SLX4IP: variants seen among roughly 807,000 people sequenced by gnomAD.
The protein encoded by SLX4IP is SLX4 interacting protein.
In SLX4IP, 34 loss-of-function variants were observed where a neutral mutation model predicts 32.9. That is an observed-to-expected ratio of 1.03 (90% CI 0.79 to 1.38). The LOEUF is 1.38. SLX4IP is among the 40% of genes most tolerant of loss of function. The pLI, the probability that SLX4IP is intolerant of heterozygous loss-of-function variation, is 0.00. For synonymous variants in SLX4IP, 172 were observed against 171.7 expected, an observed-to-expected ratio of 1.00 and a Z score of -0.01; for missense variants, 444 against 479.0, an observed-to-expected ratio of 0.93 and a Z score of 0.68.
chr20:10,513,502 G>A (rs907565027), intron 2 of SLX4IP, among the ~76,000 whole-genome samples: 4 of 152,226 alleles, frequency 2.6e-5, no homozygotes, highest in African/African-American at 9.6e-5. Flanking sequence ...AAACATCATG[G>A]AAGTCGGGGG....
At chr20:10,587,824 C>G (rs1336569239) in intron 4 of SLX4IP, among the ~76,000 whole-genome samples, 1 of 152,122 alleles carries the variant, frequency 6.6e-6, no homozygotes, top group Non-Finnish European at 1.5e-5. Context: ...GGATCTTTAT[C>G]TTATACCATA....
intron 2 of SLX4IP, among the ~76,000 whole-genome samples, chr20:10,489,613 C>G (rs756241232): frequency 1.9e-4 from 29 of 152,168 alleles, no homozygotes; most frequent in Non-Finnish European, 4.0e-4. Context: ...CCTTCTTGCT[C>G]TGTAAAAATA....
At chr20:10,558,696 G>A (rs935516228) in intron 3 of SLX4IP, among the ~76,000 whole-genome samples, 2 of 152,192 alleles carry the variant, frequency 1.3e-5, no homozygotes, top group South Asian at 2.1e-4. Context: ...GTGTCAACTC[G>A]AGGAAGCGAG....
intron 6 of SLX4IP, among the ~76,000 whole-genome samples, chr20:10,619,909 T>C (rs1042269065): frequency 1.3e-5 from 2 of 152,208 alleles, no homozygotes; most frequent in Non-Finnish European, 2.9e-5. Context: ...TAGAATATTC[T>C]GTTCACTAGC....
intron 2 of SLX4IP, among the ~76,000 whole-genome samples, chr20:10,478,374 G>C (rs1409543965): frequency 1.3e-5 from 2 of 152,190 alleles, no homozygotes; most frequent in Non-Finnish European, 2.9e-5. Context: ...ACATGTCACA[G>C]ATGTGACAGG....
intron 4 of SLX4IP, among the ~76,000 whole-genome samples, chr20:10,570,494 G>A (rs2066449398): frequency 6.6e-6 from 1 of 152,026 alleles, no homozygotes; most frequent in Admixed American, 6.6e-5. Flanking sequence ...CGTGTACCAA[G>A]GTGTGCTCCT....
chr20:10,435,879 A>G (rs2065107427), intron 1 of SLX4IP, among the ~76,000 whole-genome samples: 1 of 152,190 alleles, frequency 6.6e-6, no homozygotes, highest in Non-Finnish European at 1.5e-5. Flanking sequence ...GTGCTAGGCC[A>G]TAAGGATTCA....
intron 6 of SLX4IP, among the ~76,000 whole-genome samples, chr20:10,612,233 T>C (rs1359640533): frequency 6.6e-6 from 1 of 152,232 alleles, no homozygotes; most frequent in Non-Finnish European, 1.5e-5. Context: ...AGTTGCTTCC[T>C]ACACCTCACT....
intron 3 of SLX4IP, among the ~76,000 whole-genome samples, chr20:10,560,036 T>C (rs1852368307): frequency 6.6e-6 from 1 of 152,190 alleles, no homozygotes; most frequent in Non-Finnish European, 1.5e-5. Flanking sequence ...TTTTAAAAAT[T>C]TTTAGACCAA....
At chr20:10,518,411 C>CTTCCTTT in intron 2 of SLX4IP, among the ~76,000 whole-genome samples, 8 of 114,958 alleles carry the variant, frequency 7.0e-5, no homozygotes, top group Non-Finnish European at 1.2e-4. Flanking sequence ...TTCTTTCCTT[C>CTTCCTTT]CTTCCTTCCT....
chr20:10,553,226 G>T (rs2066235281), intron 2 of SLX4IP, among the ~76,000 whole-genome samples: 1 of 152,002 alleles, frequency 6.6e-6, no homozygotes, highest in Non-Finnish European at 1.5e-5. Context: ...TTACATTAAG[G>T]TTGTTGCAGA....
At chr20:10,511,905 T>C (rs1372187491) in intron 2 of SLX4IP, among the ~76,000 whole-genome samples, 1 of 152,240 alleles carries the variant, frequency 6.6e-6, no homozygotes, top group Admixed American at 6.5e-5. Flanking sequence ...TAACATGAAA[T>C]TGTTGCATAG....
At position 10,623,069 on chromosome 20, in the gene SLX4IP, A is replaced by C. The variant is rs1231776238; in HGVS notation, c.917A>C (p.Asp306Ala). 6.2e-7 allele frequency: 1 copy of C among 1,613,984 alleles called. No individual in the cohort carries two copies. The highest frequency in any genetic ancestry group is 8.5e-7 in the Non-Finnish European group (1 of 1,179,958). Residue 306 changes from aspartate (D) to alanine (A), a missense_variant, in exon 8 of 8, where the codon GAC becomes GCC. Asp to Ala is a moderately radical substitution (Grantham distance 126, BLOSUM62 -2). Transcript: ENST00000334534. ...RRNCSSAEDF[D>A]HHGRVSLGSD... is the part of the protein sequence containing the mutation. The stretch of plus-strand genomic sequence containing the variant: ...AACTGCAGCTCTGCGGAAGACTTCG[A>C]CCACCACGGGAGAGTTTCTCTTGGA...
At chr20:10,598,631 C>T (rs754339664) in intron 4 of SLX4IP, 44 bp from the exon 5 acceptor site, 22 of 1,560,950 alleles carry the variant, frequency 1.4e-5, no homozygotes, top group East Asian at 9.0e-5. Flanking sequence ...AGAGATTTAG[C>T]GGCAAACAAA....
At position 10,441,453 on chromosome 20, in the gene SLX4IP, C is replaced by T. The variant is rs554395004; in HGVS notation, c.-30+6000C>T. Among the ~76,000 whole-genome samples, 4 of 152,104 alleles carry T rather than the reference C, an allele frequency of 2.6e-5. No homozygotes were observed. The South Asian group carries it at 8.3e-4, about 32-fold the overall frequency. On this transcript the variant is annotated intron_variant, in intron 1 of 7. Transcript: ENST00000334534. ...CCCTGTCTCTAAACAACAACAACAA[C>T]GAAAACCTACTAAATTTTGCCTATT...
intron 2 of SLX4IP, 101 bp downstream of exon 2, chr20:10,458,332 T>C: frequency 8.0e-7 from 1 of 1,249,442 alleles, no homozygotes; most frequent in Non-Finnish European, 1.1e-6. Flanking sequence ...TTTCTGCTTT[T>C]TACACTTGGG....
In SLX4IP at chr20:10,622,648, GT is replaced by G. The variant is rs779936843; in HGVS notation, c.507-8del. 4.4e-6 allele frequency: 7 copies of G among 1,592,422 alleles called. No homozygotes were observed. Among genetic ancestry groups the G allele is most frequent in the Non-Finnish European group, 6.0e-6 (7 of 1,171,208 alleles). On this transcript the variant is annotated splice_polypyrimidine_tract_variant and intron_variant, in intron 7 of 7. Transcript: ENST00000334534. ...CTTTACAAACCATAAAATCATTTTT[GT>G]TTGTTTCAGTGTGAAAAGAACTGAA...
In SLX4IP at chr20:10,626,237, T is replaced by C. The variant is rs1239091205; in HGVS notation, c.*2858T>C. On this transcript the variant is annotated 3_prime_UTR_variant, in exon 8 of 8. Coordinates refer to ENST00000334534, the MANE Select transcript of SLX4IP (RefSeq NM_001009608.3). ...TTTTAGCAGAAACGGGTTTTCACCGTGTTGGCCAGGGTGGTCTCGATCTCC... is the reference window on the plus strand; with the variant it reads ...TTTTAGCAGAAACGGGTTTTCACCGCGTTGGCCAGGGTGGTCTCGATCTCC... The C allele has an allele frequency of 7.1e-6, 1 of 140,728 alleles. No individual in the cohort carries two copies. Among genetic ancestry groups the C allele is most frequent in the Non-Finnish European group, 1.5e-5 (1 of 65,130 alleles). The allele number at this position is 140,728 out of a possible 1,614,324, so 8.7% of individuals were successfully genotyped here. A position where few individuals can be genotyped will look rare whatever the true frequency, so the allele number is the denominator to read the frequency against.
At chr20:10,545,435 G>A (rs375404829) in intron 2 of SLX4IP, among the ~76,000 whole-genome samples, 168 of 152,160 alleles carry the variant, frequency 1.1e-3, no homozygotes, top group African/African-American at 3.9e-3. Context: ...CTTTAAAAGA[G>A]TAAATGTGTA....
Sources: allele counts gnomAD v4.1 joint callset (sites outside exome capture counted in the v4.1 genomes callset), GRCh38; gene constraint gnomAD v4.1.1; transcripts MANE v1.5; gene names NCBI Gene and HGNC (gene_info 2026-07-23, HGNC 2026-07-21).